The following CDH10 variants were observed in gnomAD, a reference collection of about 807,000 sequenced individuals.
CDH10 encodes cadherin-10.
CDH10 carries 30 observed loss-of-function variants against 73.1 expected under a neutral mutation model. That is an observed-to-expected ratio of 0.41 (90% CI 0.31 to 0.56). The LOEUF (loss-of-function observed/expected upper bound fraction) is 0.56. CDH10 is among the 20% of genes least tolerant of loss of function. The probability of loss-of-function intolerance (pLI) is 0.27; values close to 1 mark genes in which losing one functional copy is unlikely to be tolerated. For synonymous variants in CDH10, 345 were observed against 348.2 expected, an observed-to-expected ratio of 0.99 and a Z score of 0.10; for missense variants, 815 against 973.7, an observed-to-expected ratio of 0.84 and a Z score of 2.17.
chr5:24,491,847 AT>A lies in CDH10; in HGVS notation c.1625-21del. 6.5e-7 allele frequency: 1 copy of A among 1,539,168 alleles called. No individual in the cohort carries two copies. Among genetic ancestry groups the A allele is most frequent in the Non-Finnish European group, 8.9e-7 (1 of 1,118,736 alleles). ...TATTATCTAAAACAAATTTTAAAAT[AT>A]TACAAATGGTTTGGGATAGTAAATT... is the stretch of plus-strand genomic sequence containing the variant. On this transcript the variant is annotated intron_variant, in intron 10 of 11. Transcript: ENST00000264463.
intron 2 of CDH10, among the ~76,000 whole-genome samples, chr5:24,546,992 A>G (rs868007638): frequency 1.6e-4 from 24 of 152,334 alleles, no homozygotes; most frequent in Middle Eastern, 6.8e-3. Context: ...ACTCTATGTT[A>G]AAAGTATAAA....
At chr5:24,563,597 C>T (rs142687351) in intron 2 of CDH10, among the ~76,000 whole-genome samples, 5 of 88,722 alleles carry the variant, frequency 5.6e-5, no homozygotes, top group Middle Eastern at 8.5e-3. Flanking sequence ...ACTAAAAATA[C>T]AAAAAAAAAA....
At chr5:24,593,774 C>T (rs1158031264) in intron 1 of CDH10, among the ~76,000 whole-genome samples, 161 bp from the exon 2 acceptor site, 1 of 151,830 alleles carries the variant, frequency 6.6e-6, no homozygotes, top group Non-Finnish European at 1.5e-5. Flanking sequence ...TATTACTTGT[C>T]TAGCAATATG....
intron 5 of CDH10, among the ~76,000 whole-genome samples, chr5:24,514,541 C>T (rs1743038303): frequency 6.6e-6 from 1 of 152,136 alleles, no homozygotes; most frequent in South Asian, 2.1e-4. Context: ...TGCAAGAACT[C>T]TCTTTAAAAA....
At chr5:24,599,610 T>C (rs1382030813) in intron 1 of CDH10, among the ~76,000 whole-genome samples, 1 of 152,166 alleles carries the variant, frequency 6.6e-6, no homozygotes, top group Non-Finnish European at 1.5e-5. Context: ...AAAATATGTT[T>C]CTGCTGTTAT....
chr5:24,505,921 C>T (rs1274179328), intron 7 of CDH10, among the ~76,000 whole-genome samples: 2 of 152,120 alleles, frequency 1.3e-5, no homozygotes, highest in East Asian at 1.9e-4. Flanking sequence ...CAAAAGCAGC[C>T]TGACCAATAT....
intron 1 of CDH10, among the ~76,000 whole-genome samples, chr5:24,624,504 T>C (rs1211620493): frequency 6.6e-6 from 1 of 152,166 alleles, no homozygotes; most frequent in African/African-American, 2.4e-5. Flanking sequence ...CTCTAGGTCC[T>C]AGAAAGTTTC....
rs745365366 is a variant in CDH10, at chr5:24,535,698, C to T, written c.646+5G>A. ...ATGAACAAACAGCAATTCATGATTC[C>T]TGACCTGTTTCAGGCTCCACAGAGA... is the stretch of plus-strand genomic sequence containing the variant. On this transcript the variant is annotated splice_donor_5th_base_variant and intron_variant, in intron 4 of 11. Coordinates refer to ENST00000264463, the MANE Select transcript of CDH10 (RefSeq NM_006727.5). The T allele has an allele frequency of 6.2e-7, 1 of 1,606,092 alleles. No individual in the cohort carries two copies. Among genetic ancestry groups the T allele is most frequent in the Non-Finnish European group, 8.5e-7 (1 of 1,176,028 alleles).
intron 2 of CDH10, among the ~76,000 whole-genome samples, chr5:24,565,043 C>T (rs1745119521): frequency 6.6e-6 from 1 of 152,146 alleles, no homozygotes; most frequent in African/African-American, 2.4e-5. Context: ...TACATCAGCT[C>T]CCATCTCTAA....
intron 5 of CDH10, among the ~76,000 whole-genome samples, chr5:24,527,287 T>C (rs1368237276): frequency 4.1e-5 from 6 of 147,782 alleles, no homozygotes; most frequent in Non-Finnish European, 6.0e-5. Context: ...ATAAATATAG[T>C]CTTATATATA....
At chr5:24,613,522 G>GA (rs34515702) in intron 1 of CDH10, among the ~76,000 whole-genome samples, 109,401 of 122,816 alleles carry the variant, frequency 0.89, 49,091 homozygotes, top group Middle Eastern at 0.95. Context: ...TCTTTGCTGG[G>GA]AAAAAAAAAA....
At chr5:24,564,448 T>A (rs1349046958) in intron 2 of CDH10, among the ~76,000 whole-genome samples, 1 of 152,134 alleles carries the variant, frequency 6.6e-6, no homozygotes, top group Non-Finnish European at 1.5e-5. Context: ...GAATCACTTC[T>A]ATAATGAAGT....
chr5:24,593,532 G>A lies in CDH10; in HGVS notation c.-42C>T, dbSNP rs2112094966. Reference sequence around the variant, plus strand: ...AATCCCAGTGTAGATGAAGAGAAGTGGTCCTATTTTACCCAGTTGGTTTTA... The same window carrying A: ...AATCCCAGTGTAGATGAAGAGAAGTAGTCCTATTTTACCCAGTTGGTTTTA... On this transcript the variant is annotated 5_prime_UTR_variant, in exon 2 of 12. Transcript: ENST00000264463. 1 of 1,148,016 alleles carries A rather than the reference G, an allele frequency of 8.7e-7. No homozygotes were observed. The highest frequency in any genetic ancestry group is 1.3e-6 in the Non-Finnish European group (1 of 762,344). The allele number at this position is 1,148,016 out of a possible 1,614,324, so 71.1% of individuals were successfully genotyped here.
chr5:24,583,170 G>T (rs893188881), intron 2 of CDH10, among the ~76,000 whole-genome samples: 1 of 147,984 alleles, frequency 6.8e-6, no homozygotes. Context: ...TTTATGTACT[G>T]TAATGCAGTG....
intron 1 of CDH10, among the ~76,000 whole-genome samples, chr5:24,613,401 ACGT>A (rs1388827212): frequency 1.3e-5 from 2 of 152,038 alleles, no homozygotes; most frequent in Admixed American, 1.3e-4. Context: ...GAGGAAGACT[ACGT>A]CGTCTTTATT....
chr5:24,601,090 A>G (rs1746546881), intron 1 of CDH10, among the ~76,000 whole-genome samples: 1 of 152,126 alleles, frequency 6.6e-6, no homozygotes, highest in Non-Finnish European at 1.5e-5. Flanking sequence ...CTTTCATCTA[A>G]AAGTTCAGTT....
At chr5:24,500,067 G>A (rs1742435113) in intron 8 of CDH10, among the ~76,000 whole-genome samples, 2 of 151,978 alleles carry the variant, frequency 1.3e-5, no homozygotes, top group South Asian at 4.1e-4. Context: ...AACCAACATG[G>A]GCTGTGGATA....
chr5:24,639,051 T>A (rs976267074), intron 1 of CDH10, among the ~76,000 whole-genome samples: 3 of 151,528 alleles, frequency 2.0e-5, no homozygotes, highest in African/African-American at 7.3e-5. Context: ...ACTTTAGAGG[T>A]TGAAGATTTA....
chr5:24,490,144 G>T (rs1741997020), intron 11 of CDH10, among the ~76,000 whole-genome samples: 2 of 152,032 alleles, frequency 1.3e-5, no homozygotes, highest in Non-Finnish European at 2.9e-5. Flanking sequence ...TCTTACTAGA[G>T]ACTTTCATTT....
Sources: allele counts gnomAD v4.1 joint callset (sites outside exome capture counted in the v4.1 genomes callset), GRCh38; gene constraint gnomAD v4.1.1; transcripts MANE v1.5; gene names NCBI Gene and HGNC (gene_info 2026-07-23, HGNC 2026-07-21).